The following UMODL1 variants were observed in gnomAD, a reference collection of about 807,000 sequenced individuals.
UMODL1 encodes uromodulin-like 1.
Under a neutral mutation model 136.3 loss-of-function variants are expected in UMODL1, and 128 were observed. The ratio of observed to expected loss-of-function variants is 0.94; its 90% CI spans 0.81 to 1.09. UMODL1 has a LOEUF of 1.09. Among genes scored for constraint, UMODL1 ranks in the 50% least tolerant of loss-of-function variants. The pLI is 0.00. For synonymous variants in UMODL1, 721 were observed against 720.0 expected, an observed-to-expected ratio of 1.00 and a Z score of -0.02; for missense variants, 1,766 against 1,725.6, an observed-to-expected ratio of 1.02 and a Z score of -0.41.
At chr21:42,075,862 G>C in intron 1 of UMODL1, 143 bp from the exon 2 acceptor site, 2 of 1,206,078 alleles carry the variant, frequency 1.7e-6, no homozygotes, top group Non-Finnish European at 1.2e-6. Context: ...AGTGGAGAGG[G>C]CTGGTGGGCA....
intron 9 of UMODL1, among the ~76,000 whole-genome samples, chr21:42,105,714 G>T (rs2066705357): frequency 6.6e-6 from 1 of 152,198 alleles, no homozygotes; most frequent in Non-Finnish European, 1.5e-5. Flanking sequence ...TAAGACACTG[G>T]AAGAGGCCTG....
chr21:42,082,152 T>A (rs977271351), intron 2 of UMODL1, among the ~76,000 whole-genome samples: 1 of 152,194 alleles, frequency 6.6e-6, no homozygotes, highest in Non-Finnish European at 1.5e-5. Flanking sequence ...GCAGGCTCTC[T>A]GCATATTCCG....
intron 16 of UMODL1, among the ~76,000 whole-genome samples, chr21:42,121,835 G>T (rs2066976755): frequency 6.6e-6 from 1 of 152,182 alleles, no homozygotes; most frequent in Admixed American, 6.5e-5. Flanking sequence ...GGCCAGGGAG[G>T]GCTTCCTGGA....
intron 21 of UMODL1, among the ~76,000 whole-genome samples, chr21:42,133,148 T>G (rs1215092536): frequency 6.6e-6 from 1 of 152,216 alleles, no homozygotes; most frequent in African/African-American, 2.4e-5. Context: ...AATCTCCCAG[T>G]TGGTGGGGAC....
chr21:42,073,077 C>T lies in UMODL1; in HGVS notation c.76+1685C>T, dbSNP rs971704655. On this transcript the variant is annotated intron_variant, in intron 1 of 22. Transcript: ENST00000408910. ...GCATGTGTGCAGGACGGCTCTGCTGCGGACCAGCTGGGGCCATGTAACGAT... is the reference window on the plus strand; with the variant it reads ...GCATGTGTGCAGGACGGCTCTGCTGTGGACCAGCTGGGGCCATGTAACGAT... Among the ~76,000 whole-genome samples, 4 of 152,190 alleles carry T rather than the reference C, an allele frequency of 2.6e-5. No individual in the cohort carries two copies. The South Asian group carries it at 6.2e-4, about 24-fold the overall frequency.
upstream of UMODL1, among the ~76,000 whole-genome samples, chr21:42,066,407 C>T (rs540900350): frequency 1.5e-4 from 23 of 152,316 alleles, no homozygotes; most frequent in African/African-American, 3.6e-4. Context: ...CTCAGCCTTC[C>T]GAGTAGCTAG....
At chr21:42,126,959 A>G in intron 18 of UMODL1, 47 bp from the exon 19 acceptor site, 1 of 1,485,838 alleles carries the variant, frequency 6.7e-7, no homozygotes, top group Non-Finnish European at 9.4e-7. Flanking sequence ...GGGCCACGAT[A>G]ATGCGCCTCC....
At chr21:42,132,322 C>T (rs890280494) in intron 21 of UMODL1, among the ~76,000 whole-genome samples, 11 of 151,944 alleles carry the variant, frequency 7.2e-5, no homozygotes, top group African/African-American at 2.4e-4. Flanking sequence ...ATCATCCATC[C>T]ATCCATGTAT....
chr21:42,127,381 G>T, intron 19 of UMODL1, 139 bp downstream of exon 19: 1 of 873,966 alleles, frequency 1.1e-6, no homozygotes, highest in Non-Finnish European at 1.8e-6. Flanking sequence ...CAGGAGTGCA[G>T]GCACCCCTGT....
chr21:42,106,277 C>T lies in UMODL1; in HGVS notation c.1519+2190C>T, dbSNP rs572522250. Among the ~76,000 whole-genome samples, 3 of 152,344 alleles carry T rather than the reference C, an allele frequency of 2.0e-5. No individual in the cohort carries two copies. In the South Asian group the frequency reaches 6.2e-4, roughly 32 times the overall value. On this transcript the variant is annotated intron_variant, in intron 9 of 22. Coordinates refer to ENST00000408910, the MANE Select transcript of UMODL1 (RefSeq NM_001004416.3). ...GGGGGACATCCACCCCCGCTGAGAG[C>T]CCCACCTTCACGGCGAGGATCTGTA...
Position 42,113,708 on chromosome 21 carries a change from T to C in UMODL1, c.2240T>C (p.Leu747Pro), listed in dbSNP as rs2066867221. The C allele has an allele frequency of 6.2e-7, 1 of 1,614,086 alleles. No individual in the cohort carries two copies. Among genetic ancestry groups the C allele is most frequent in the Non-Finnish European group, 8.5e-7 (1 of 1,180,032 alleles). Residue 747 changes from leucine (L) to proline (P), a missense_variant, in exon 13 of 23, where the codon CTA (leucine) becomes CCA (proline). Physicochemically the swap from Leu to Pro is moderately conservative, Grantham distance 98. Transcript: ENST00000408910. The part of the protein sequence containing the change: ...LTSMWSPAVV[L>P]ETWNTSVTLS... ...TCCATGTGGAGCCCTGCTGTGGTCC[T>C]AGAGACCTGGAACACGAGTGTGACA... is the stretch of plus-strand genomic sequence containing the variant.
intron 6 of UMODL1, among the ~76,000 whole-genome samples, chr21:42,096,967 G>A (rs1186012608): frequency 1.3e-5 from 2 of 152,188 alleles, no homozygotes; most frequent in Admixed American, 6.5e-5. Context: ...TTGTTAGAAG[G>A]CCAGGCAGTG....
Position 42,063,968 on chromosome 21 carries a change from T to A in UMODL1, c.-141+754T>A, listed in dbSNP as rs1026713320. On this transcript the variant is annotated intron_variant, in intron 1 of 22. Coordinates refer to the UMODL1 transcript ENST00000400424. ...TTTATTTGGGGTGAAAAACAAGAGA[T>A]GCTCAGCGCCTGTGGGATGTGTGGG... Among the ~76,000 whole-genome samples, 15 of 152,270 alleles carry A rather than the reference T, an allele frequency of 9.9e-5. 1 individual carries two copies. Among genetic ancestry groups the A allele is most frequent in the Admixed American group, 4.6e-4 (7 of 15,306 alleles).
intron 10 of UMODL1, 60 bp from the exon 11 acceptor site, chr21:42,110,820 G>A (rs2066810291): frequency 1.1e-5 from 16 of 1,489,086 alleles, no homozygotes; most frequent in African/African-American, 6.9e-5. Context: ...TGCCCTCCTG[G>A]GAGGGCTCTT....
At chr21:42,108,366 G>C (rs1191538221) in intron 9 of UMODL1, 1 of 522,708 alleles carries the variant, frequency 1.9e-6, no homozygotes, top group Non-Finnish European at 3.9e-6. Context: ...CTGATGGCAA[G>C]GCAGCCCCCA....
intron 8 of UMODL1, chr21:42,103,242 C>T (rs1310630423): frequency 9.4e-6 from 2 of 213,290 alleles, no homozygotes; most frequent in African/African-American, 4.5e-5. Flanking sequence ...TGCCAGAGAC[C>T]CACAGAGTGT....
upstream of UMODL1, among the ~76,000 whole-genome samples, chr21:42,067,371 C>A (rs970890293): frequency 6.6e-6 from 1 of 152,196 alleles, no homozygotes; most frequent in Non-Finnish European, 1.5e-5. Flanking sequence ...TTCTAGAAGG[C>A]ATTCCCATAC....
chr21:42,113,508 G>T, intron 12 of UMODL1, 65 bp from the exon 13 acceptor site: 1 of 1,555,866 alleles, frequency 6.4e-7, no homozygotes. Context: ...TTGGCATTGG[G>T]CGAGGCTTCT....
chr21:42,117,078 A>T (rs2066910930), intron 14 of UMODL1, among the ~76,000 whole-genome samples: 1 of 149,536 alleles, frequency 6.7e-6, no homozygotes, highest in African/African-American at 2.5e-5. Flanking sequence ...CCCATCTCAA[A>T]AACAGAAAAA....
Sources: gnomAD v4.1 joint callset for allele counts (sites outside exome capture counted in the v4.1 genomes callset) on GRCh38, gnomAD v4.1.1 for gene constraint, MANE v1.5 for transcripts, NCBI Gene and HGNC (gene_info 2026-07-23, HGNC 2026-07-21) for gene names.